Variants in GOLGA6L9 observed in about 807,000 individuals in gnomAD.
GOLGA6L9 encodes golgin A6 family like 9.
Under a neutral mutation model 51.3 loss-of-function variants are expected in GOLGA6L9, and 19 were observed. The observed-to-expected ratio is 0.37, with a 90% confidence interval of 0.26 to 0.54. The LOEUF (loss-of-function observed/expected upper bound fraction) is 0.54, where lower values mean the gene tolerates loss of function less well. GOLGA6L9 is among the 20% of genes least tolerant of loss of function. The pLI is 0.83. For missense variants in GOLGA6L9, 247 were observed against 464.1 expected (o/e 0.53, Z 4.30); for synonymous variants, 97 against 184.2 (o/e 0.53, Z 3.83).
At chr15:82,416,220 T>G in the GOLGA6L9 span, among the ~76,000 whole-genome samples, 3 of 152,208 alleles carry the variant, frequency 2.0e-5, no homozygotes, top group East Asian at 5.8e-4. Context: ...CGAAACCAAT[T>G]TGAGCTATAA....
upstream of GOLGA6L9, among the ~76,000 whole-genome samples, chr15:82,424,907 CTAAACAAGAAGAAAGGAATTATTCA>C (rs1322004970): frequency 3.9e-3 from 554 of 141,492 alleles, 2 homozygotes; most frequent in African/African-American, 0.014. Context: ...AAGATGGTAT[CTAAACAAGAAGAAAGGAATTATTCA>C]TAATATATGG....
chr15:82,425,906 T>C (rs2150823311), upstream of GOLGA6L9, among the ~76,000 whole-genome samples: 1 of 150,170 alleles, frequency 6.7e-6, no homozygotes, highest in South Asian at 2.1e-4. Flanking sequence ...TGAAATGATA[T>C]ATAAGAAACC....
At position 82,429,839 on chromosome 15, in the gene GOLGA6L9, C is replaced by T. The variant is rs1304958769; in HGVS notation, c.-241C>T. Among the ~76,000 whole-genome samples, 1 of 152,122 alleles carries T rather than the reference C, an allele frequency of 6.6e-6. No individual in the cohort carries two copies. Among genetic ancestry groups the T allele is most frequent in the Non-Finnish European group, 1.5e-5 (1 of 68,026 alleles). On this transcript the variant is annotated 5_prime_UTR_variant, in exon 1 of 9. Transcript: ENST00000618348. ...GGCCTCTCCCCTCTCTCTGAGTGGG[C>T]GGGGACAGCGGTTGCATGGGCAGCT...
Position 82,434,149 on chromosome 15 carries a change from G to A in GOLGA6L9, c.549G>A (p.Glu183=). 1.3e-6 allele frequency: 2 copies of A among 1,535,792 alleles called. No homozygotes were observed. The highest frequency in any genetic ancestry group is 1.7e-6 in the Non-Finnish European group (2 of 1,148,350). Residue 183 remains glutamate (E), a synonymous_variant, in exon 6 of 9, where the codon GAG becomes GAA. Coordinates refer to ENST00000618348, the MANE Select transcript of GOLGA6L9 (RefSeq NM_198181.4). ...LESVGRQLQA[E]VENNQMLSLL... is the part of the protein sequence containing the mutation. ...GTGTGGGAAGACAGCTCCAGGCTGA[G>A]GTGGAAAACAATCAGATGTTGAGTC...
rs2031763366 is a variant in GOLGA6L9, at chr15:82,437,902, AAT to A, written c.*1494_*1495del. The A allele has an allele frequency of 6.6e-6, 1 of 151,234 alleles. No individual in the cohort carries two copies. Among genetic ancestry groups the A allele is most frequent in the Non-Finnish European group, 1.5e-5 (1 of 67,810 alleles). 9.4% of individuals were successfully genotyped at this position (151,234 alleles called of 1,614,324 possible). On this transcript the variant is annotated 3_prime_UTR_variant, in exon 9 of 9. Coordinates refer to ENST00000618348, the MANE Select transcript of GOLGA6L9 (RefSeq NM_198181.4). ...TCACAAAGTTCTTTACAAAGAGTGA[AAT>A]ATGTTTTTATACCTCTCAGTTTCAG...
At position 82,432,579 on chromosome 15, in the gene GOLGA6L9, C is replaced by G. The variant is rs2031452838; in HGVS notation, c.212C>G (p.Thr71Arg). 12 of 1,603,386 alleles carry G rather than the reference C, an allele frequency of 7.5e-6. 1 individual carries two copies. The South Asian group carries it at 1.3e-4, about 18-fold the overall frequency. The change falls in exon 3 of 9, where the codon ACA (threonine) becomes AGA (arginine). Residue 71 changes from threonine to arginine, a missense_variant. Transcript: ENST00000618348. ...GGYHSPGDSA[T>R]GIYGEGRASS... ...CACTCTCATCTCTTGGAGTCAGCAA[C>G]AGGTATCTACGGGGAGGGCCGTGCA... is the stretch of plus-strand genomic sequence containing the variant.
Position 82,434,398 on chromosome 15 carries a change from G to T in GOLGA6L9, c.798G>T (p.Glu266Asp). Residue 266 changes from glutamate to aspartate, a missense_variant, in exon 6 of 9, where the codon GAG (glutamate) becomes GAT (aspartate). Glu to Asp is a conservative substitution (Grantham distance 45). Around this residue, in one of 9 missense-constraint regions of GOLGA6L9, gnomAD observed 35 missense variants for 86.2 expected, o/e 0.41. Transcript: ENST00000618348. Reference sequence around the variant, plus strand: ...AGGAGAGGCGGCAGGAGGAGCAGGAGAGGCTGCTGGAGAGGGAGAGGCTGC... The same window carrying T: ...AGGAGAGGCGGCAGGAGGAGCAGGATAGGCTGCTGGAGAGGGAGAGGCTGC... ...LEQERRQEEQ[E>D]RLLERERLLD... 6.5e-7 allele frequency: 1 copy of T among 1,536,216 alleles called. No individual in the cohort carries two copies. The highest frequency in any genetic ancestry group is 8.7e-7 in the Non-Finnish European group (1 of 1,147,072).
At chr15:82,420,472 C>T in the GOLGA6L9 span, among the ~76,000 whole-genome samples, 1 of 151,950 alleles carries the variant, frequency 6.6e-6, no homozygotes, top group South Asian at 2.1e-4. Flanking sequence ...CTTATTTTTA[C>T]TTTTTTTGTT....
chr15:82,430,140 A>G lies in GOLGA6L9; in HGVS notation c.61A>G (p.Lys21Glu), dbSNP rs1386230703. 4 of 871,648 alleles carry G rather than the reference A, an allele frequency of 4.6e-6. No homozygotes were observed. Among genetic ancestry groups the G allele is most frequent in the Non-Finnish European group, 7.1e-6 (4 of 562,822 alleles). 54.0% of individuals were successfully genotyped at this position (871,648 alleles called of 1,614,324 possible). The change falls in exon 1 of 9, where the codon AAA (lysine) becomes GAA (glutamate). Residue 21 changes from lysine (K) to glutamate (E), a missense_variant. Physicochemically the swap from Lys to Glu is moderately conservative, Grantham distance 56. Around this residue, in one of 9 missense-constraint regions of GOLGA6L9, gnomAD observed 14 missense variants for 18.1 expected, o/e 0.77. Coordinates refer to ENST00000618348, the MANE Select transcript of GOLGA6L9 (RefSeq NM_198181.4). ...GATGTCAGAAAAAACACAACAGGGG[A>G]AATTGGCCGCAGCCAAGAAAAAGGT... Reference protein sequence around the residue: ...PAMSEKTQQGKLAAAKKKLKA... With the variant: ...PAMSEKTQQGELAAAKKKLKA...
the GOLGA6L9 span, among the ~76,000 whole-genome samples, chr15:82,417,488 A>C: frequency 2.2e-4 from 33 of 152,358 alleles, 1 homozygote; most frequent in South Asian, 5.6e-3. Flanking sequence ...TAGTGAAGGT[A>C]CTAGAACTAC....
rs2150832774 is a variant in GOLGA6L9, at chr15:82,437,004, T to A, written c.*593T>A. 6.3e-6 allele frequency: 1 copy of A among 158,172 alleles called. No individual in the cohort carries two copies. Among genetic ancestry groups the A allele is most frequent in the South Asian group, 1.9e-4 (1 of 5,402 alleles). 9.8% of individuals were successfully genotyped at this position (158,172 alleles called of 1,614,324 possible). A position where few individuals can be genotyped will look rare whatever the true frequency, so the allele number is the denominator to read the frequency against. ...TCTGGAAACAGCCTTTCCCCCTTTT[T>A]CTGTGTATTGGGGATGGGAGTAATA... On this transcript the variant is annotated 3_prime_UTR_variant, in exon 9 of 9. Transcript: ENST00000618348.
At chr15:82,416,366 C>CT in the GOLGA6L9 span, among the ~76,000 whole-genome samples, 1 of 151,872 alleles carries the variant, frequency 6.6e-6, no homozygotes, top group Non-Finnish European at 1.5e-5. Flanking sequence ...GGATATTCAT[C>CT]TTTCTGTGTA....
At chr15:82,429,086 T>A (rs2031300721), upstream of GOLGA6L9, among the ~76,000 whole-genome samples, 1 of 151,786 alleles carries the variant, frequency 6.6e-6, no homozygotes, top group Non-Finnish European at 1.5e-5. Flanking sequence ...TTTATTTTAT[T>A]TCTTTTGAGA....
the GOLGA6L9 span, among the ~76,000 whole-genome samples, chr15:82,418,171 G>C: frequency 6.6e-6 from 1 of 152,164 alleles, no homozygotes. Flanking sequence ...AATTATTAAG[G>C]TGAATGGTCT....
At chr15:82,418,779 A>G in the GOLGA6L9 span, 2 of 152,372 alleles carry the variant, frequency 1.3e-5, no homozygotes, top group East Asian at 1.9e-4. Flanking sequence ...GCAGATGTTC[A>G]TATTTTGAAT....
In GOLGA6L9 at chr15:82,434,162, C is replaced by A. The variant is rs1235594402; in HGVS notation, c.562C>A (p.Gln188Lys). 2 of 1,537,252 alleles carry A rather than the reference C, an allele frequency of 1.3e-6. No homozygotes were observed. Among genetic ancestry groups the A allele is most frequent in the Non-Finnish European group, 1.7e-6 (2 of 1,148,888 alleles). ...RQLQAEVENNQMLSLLNRRQE... is the reference protein window; with the variant it reads ...RQLQAEVENNKMLSLLNRRQE... The stretch of plus-strand genomic sequence containing the variant: ...GCTCCAGGCTGAGGTGGAAAACAAT[C>A]AGATGTTGAGTCTCCTGAACAGGAG... Residue 188 changes from glutamine (Q) to lysine (K), a missense_variant, in exon 6 of 9, where the codon CAG (glutamine) becomes AAG (lysine). This residue lies in a region of GOLGA6L9 where 25 missense variants were observed against 49.6 expected (regional missense o/e 0.50). Transcript: ENST00000618348.
At chr15:82,430,194 C>G in intron 1 of GOLGA6L9, 31 bp downstream of exon 1, 3 of 576,352 alleles carry the variant, frequency 5.2e-6, no homozygotes, top group Middle Eastern at 4.3e-4. Context: ...GCCCCCAACC[C>G]AGCCACAGAT....
chr15:82,438,168 G>T lies in GOLGA6L9; in HGVS notation c.*1757G>T, dbSNP rs1387354833. On this transcript the variant is annotated 3_prime_UTR_variant, in exon 9 of 9. Coordinates refer to ENST00000618348, the MANE Select transcript of GOLGA6L9 (RefSeq NM_198181.4). ...AATACATTGATAAATTATTTCAAAG[G>T]TATTTTTATAGTTCAAATCGCTTCA... 1.3e-5 allele frequency: 2 copies of T among 148,370 alleles called. No individual in the cohort carries two copies. The highest frequency in any genetic ancestry group is 3.0e-5 in the Non-Finnish European group (2 of 66,930). 9.2% of individuals were successfully genotyped at this position (148,370 alleles called of 1,614,324 possible). A position where few individuals can be genotyped will look rare whatever the true frequency, so the allele number is the denominator to read the frequency against.
upstream of GOLGA6L9, among the ~76,000 whole-genome samples, chr15:82,429,446 G>C (rs2031321097): frequency 1.3e-5 from 2 of 152,096 alleles, no homozygotes; most frequent in Non-Finnish European, 1.5e-5. Flanking sequence ...AATAATGTAG[G>C]AGAATAAGAC....
Sources: allele counts gnomAD v4.1 joint callset (sites outside exome capture counted in the v4.1 genomes callset), GRCh38; gene constraint gnomAD v4.1.1; regional missense constraint gnomAD v4.1.1; transcripts MANE v1.5; gene names NCBI Gene and HGNC (gene_info 2026-07-23, HGNC 2026-07-21).